Variants in PTPN13 observed in about 807,000 individuals in gnomAD.
PTPN13 encodes protein tyrosine phosphatase non-receptor type 13.
A neutral mutation model predicts 284.0 loss-of-function variants in PTPN13; 191 were observed. The observed-to-expected ratio is 0.67, with a 90% confidence interval of 0.60 to 0.76. The LOEUF is 0.76. PTPN13 is among the 30% of genes least tolerant of loss of function. The pLI is 0.00. For synonymous variants in PTPN13, 986 were observed against 1,022.3 expected, an observed-to-expected ratio of 0.96 and a Z score of 0.68; for missense variants, 2,797 against 2,939.9, an observed-to-expected ratio of 0.95 and a Z score of 1.12.
intron 40 of PTPN13, among the ~76,000 whole-genome samples, chr4:86,794,838 T>G (rs540231433): frequency 5.9e-4 from 90 of 152,330 alleles, no homozygotes; most frequent in African/African-American, 2.1e-3. Flanking sequence ...GAAAACTGGC[T>G]GGCCATATGT....
rs369314027 is a variant in PTPN13, at chr4:86,689,017, G to A, written c.373G>A (p.Gly125Arg). The A allele has an allele frequency of 1.4e-5, 22 of 1,559,986 alleles. No homozygotes were observed. The highest frequency in any genetic ancestry group is 1.9e-5 in the Non-Finnish European group (21 of 1,131,068). The change falls in exon 5 of 48, where the codon GGA (glycine) becomes AGA (arginine). Residue 125 changes from glycine to arginine, a missense_variant. Gly to Arg is a moderately radical substitution (Grantham distance 125). Coordinates refer to ENST00000411767, the MANE Select transcript of PTPN13 (RefSeq NM_080683.3). Reference protein sequence around the residue: ...EVPQSQPIKLGDHLNSILLGM... With the variant: ...EVPQSQPIKLRDHLNSILLGM... ...TATTTATATTCAGCCTATTAAGCTT[G>A]GAGATCATCTCAACAGCATACTGCT...
At chr4:86,613,182 T>G (rs1720120550) in intron 1 of PTPN13, among the ~76,000 whole-genome samples, 1 of 152,220 alleles carries the variant, frequency 6.6e-6, no homozygotes, top group Admixed American at 6.5e-5. Context: ...TTTGACTACT[T>G]ACTGTGGGCA....
At chr4:86,707,251 A>G (rs945497971) in intron 7 of PTPN13, among the ~76,000 whole-genome samples, 10 of 152,240 alleles carry the variant, frequency 6.6e-5, no homozygotes, top group Non-Finnish European at 1.5e-4. Flanking sequence ...AAGAACAGAT[A>G]CAACTAATTT....
intron 1 of PTPN13, among the ~76,000 whole-genome samples, chr4:86,624,897 G>A (rs1565171338): frequency 6.6e-6 from 1 of 152,060 alleles, no homozygotes; most frequent in Non-Finnish European, 1.5e-5. Context: ...ACCTACCTGG[G>A]GAGCTACAGA....
At chr4:86,698,943 G>A (rs113448372) in intron 6 of PTPN13, among the ~76,000 whole-genome samples, 121 of 152,094 alleles carry the variant, frequency 8.0e-4, no homozygotes, top group Non-Finnish European at 1.2e-3. Context: ...CAGAAAGGAA[G>A]AATATTGAAA....
At chr4:86,623,223 G>A (rs752193603) in intron 1 of PTPN13, among the ~76,000 whole-genome samples, 4 of 152,162 alleles carry the variant, frequency 2.6e-5, no homozygotes, top group African/African-American at 4.8e-5. Context: ...CAGTTCTGAT[G>A]TCCAAGGCAG....
intron 2 of PTPN13, among the ~76,000 whole-genome samples, chr4:86,648,421 A>T (rs55978957): frequency 0.16 from 23,559 of 151,914 alleles, 2,323 homozygotes; most frequent in East Asian, 0.29. Flanking sequence ...TCTACTCTCT[A>T]TTTCCATGAG....
At chr4:86,675,310 A>ATTG (rs1286868998) in intron 3 of PTPN13, among the ~76,000 whole-genome samples, 1 of 152,202 alleles carries the variant, frequency 6.6e-6, no homozygotes, top group Non-Finnish European at 1.5e-5. Flanking sequence ...GTAACTCTAA[A>ATTG]TACAAAGAAA....
rs1739086104 is a variant in PTPN13 at position 86,764,714 on chromosome 4, T to C, written c.4139T>C (p.Ile1380Thr). ...GCTAAAAATGATAACAGCTTGGGGA[T>C]AAGTGTCACGGTACTGTTTGACAAG... ...ELAKNDNSLG[I>T]SVTGGVNTSV... The change falls in exon 25 of 48, where the codon ATA (isoleucine) becomes ACA (threonine). Residue 1380 changes from isoleucine (I) to threonine (T), a missense_variant. Physicochemically the swap from Ile to Thr is moderately conservative, Grantham distance 89. Transcript: ENST00000411767. The C allele has an allele frequency of 1.2e-6, 2 of 1,606,762 alleles. No individual in the cohort carries two copies. The highest frequency in any genetic ancestry group is 4.5e-5 in the East Asian group (2 of 44,396).
At chr4:86,716,977 C>A in intron 8 of PTPN13, 47 bp from the exon 9 acceptor site, 3 of 1,316,948 alleles carry the variant, frequency 2.3e-6, no homozygotes, top group Non-Finnish European at 3.3e-6. Context: ...AAATTACTCT[C>A]ATGTTTCTAT....
chr4:86,787,540 C>T (rs534806639), intron 40 of PTPN13, among the ~76,000 whole-genome samples: 46 of 150,386 alleles, frequency 3.1e-4, no homozygotes, highest in Non-Finnish European at 3.3e-4. Flanking sequence ...TGCGGTGAGC[C>T]GAAATCACGC....
intron 40 of PTPN13, among the ~76,000 whole-genome samples, chr4:86,787,232 TTTA>T (rs1270284937): frequency 6.6e-6 from 1 of 152,214 alleles, no homozygotes; most frequent in Non-Finnish European, 1.5e-5. Flanking sequence ...TTATCTTTTT[TTTA>T]TTATTTTCAT....
rs1351196056 is a variant in PTPN13, at chr4:86,765,504, TATGTGGGA to T, written c.4243+19_4243+26del. On this transcript the variant is annotated intron_variant, in intron 26 of 47. Coordinates refer to ENST00000411767, the MANE Select transcript of PTPN13 (RefSeq NM_080683.3). ...ATTCACAAAGGTATAGTGTTTATATTATGTGGGAATTATATGTATGAATATTACAACAA... is the reference window on the plus strand; with the variant it reads ...ATTCACAAAGGTATAGTGTTTATATTATTATATGTATGAATATTACAACAA... The T allele has an allele frequency of 1.7e-5, 25 of 1,511,754 alleles. No individual in the cohort carries two copies. The African/African-American group carries it at 2.9e-4, about 18-fold the overall frequency. The allele number at this position is 1,511,754 out of a possible 1,614,324, so 93.6% of individuals were successfully genotyped here.
rs373514959 is a variant in PTPN13 at position 86,745,022 on chromosome 4, A to G, written c.2544A>G (p.Thr848=). Residue 848 remains threonine (T), a synonymous_variant, in exon 17 of 48, where the codon ACA becomes ACG. Coordinates refer to ENST00000411767, the MANE Select transcript of PTPN13 (RefSeq NM_080683.3). ...TSDGIKHGFQ[T]DNSKICQYLL... ...ATGGAATAAAACATGGCTTCCAGAC[A>G]GACAACAGTAAGATATGCCAGTACC... is the stretch of plus-strand genomic sequence containing the variant. 4.3e-5 allele frequency: 69 copies of G among 1,605,094 alleles called. No homozygotes were observed. The highest frequency in any genetic ancestry group is 5.5e-5 in the Non-Finnish European group (65 of 1,175,338).
At chr4:86,657,192 G>A (rs982504965) in intron 2 of PTPN13, among the ~76,000 whole-genome samples, 4 of 152,166 alleles carry the variant, frequency 2.6e-5, no homozygotes, top group Non-Finnish European at 4.4e-5. Flanking sequence ...GTGATGCCTC[G>A]TCCTGCTTCG....
intron 1 of PTPN13, among the ~76,000 whole-genome samples, chr4:86,618,518 A>G (rs1326423946): frequency 4.8e-4 from 73 of 152,190 alleles, no homozygotes; most frequent in Non-Finnish European, 3.2e-4. Context: ...TACCTTGGGC[A>G]TTATGGCCAT....
chr4:86,607,832 A>G (rs1393261634), intron 1 of PTPN13, among the ~76,000 whole-genome samples: 2 of 152,014 alleles, frequency 1.3e-5, no homozygotes, highest in Non-Finnish European at 2.9e-5. Flanking sequence ...TTCCTCTACT[A>G]ACTTGTCACT....
rs763471884 is a variant in PTPN13 at position 86,686,772 on chromosome 4, C to T, written c.357C>T (p.Ser119=). ...GGGCTGATTATGAAGTGCCTCAGAG[C>T]CAAGTAAGTTAAGTTTTTACAGTTG... The part of the protein sequence containing the change: ...YWGADYEVPQ[S]QPIKLGDHLN... Residue 119 remains serine (S), a synonymous_variant, in exon 4 of 48, where the codon AGC becomes AGT. Coordinates refer to ENST00000411767, the MANE Select transcript of PTPN13 (RefSeq NM_080683.3). The T allele has an allele frequency of 8.3e-6, 13 of 1,567,070 alleles. No homozygotes were observed. In the African/African-American group the frequency reaches 1.6e-4, roughly 20 times the overall value.
At chr4:86,607,095 G>A (rs994203844) in intron 1 of PTPN13, among the ~76,000 whole-genome samples, 1 of 151,562 alleles carries the variant, frequency 6.6e-6, no homozygotes, top group Non-Finnish European at 1.5e-5. Context: ...AATTATAATT[G>A]TATGTGCTAT....
Sources: gnomAD v4.1 joint callset for allele counts (sites outside exome capture counted in the v4.1 genomes callset) on GRCh38, gnomAD v4.1.1 for gene constraint, MANE v1.5 for transcripts, NCBI Gene and HGNC (gene_info 2026-07-23, HGNC 2026-07-21) for gene names.